NETO2: variants seen among roughly 807,000 people sequenced by gnomAD.
NETO2 encodes the protein neuropilin and tolloid like 2, also known as neuropilin and tolloid-like protein 2.
NETO2 carries 28 observed loss-of-function variants against 62.5 expected under a neutral mutation model. The observed-to-expected ratio is 0.45, with a 90% CI of 0.33 to 0.61. NETO2 has a LOEUF of 0.61. NETO2 is among the 20% of genes least tolerant of loss of function. The pLI is 0.02. For missense variants in NETO2, 548 were observed against 643.2 expected (o/e 0.85, Z 1.60); for synonymous variants, 214 against 219.1 (o/e 0.98, Z 0.21).
intron 6 of NETO2, among the ~76,000 whole-genome samples, chr16:47,113,184 T>C (rs917043464): frequency 1.1e-4 from 16 of 152,194 alleles, no homozygotes; most frequent in Admixed American, 7.2e-4. Flanking sequence ...TCCAAAGTGG[T>C]TGTACCAATT....
intron 1 of NETO2, among the ~76,000 whole-genome samples, chr16:47,137,205 G>A (rs763441577): frequency 1.3e-5 from 2 of 152,192 alleles, no homozygotes; most frequent in Non-Finnish European, 2.9e-5. Flanking sequence ...GAATCACTGT[G>A]ACCGTGGTCC....
At chr16:47,083,857 G>A in intron 8 of NETO2, 56 bp from the exon 9 acceptor site, 2 of 1,314,274 alleles carry the variant, frequency 1.5e-6, no homozygotes, top group Non-Finnish European at 1.1e-6. Context: ...TATGAATCCT[G>A]GTACAAATTA....
intron 2 of NETO2, among the ~76,000 whole-genome samples, chr16:47,130,801 G>A (rs1964250000): frequency 6.6e-6 from 1 of 152,092 alleles, no homozygotes; most frequent in African/African-American, 2.4e-5. Flanking sequence ...TTTGTTCCAG[G>A]ACAGAAGAGT....
chr16:47,089,180 G>C (rs969862659), intron 7 of NETO2, among the ~76,000 whole-genome samples: 3 of 152,142 alleles, frequency 2.0e-5, no homozygotes, highest in Non-Finnish European at 4.4e-5. Flanking sequence ...TTGTTCACCT[G>C]CGGAGTACTC....
chr16:47,143,607 G>T lies in NETO2; in HGVS notation c.6C>A (p.Ala2=), dbSNP rs1262448776. Residue 2 remains alanine, a synonymous_variant, in exon 1 of 9, where the codon GCC becomes GCA. Coordinates refer to ENST00000562435, the MANE Select transcript of NETO2 (RefSeq NM_018092.5). ...TGAGGACCGAGCAGAGCCGCTCCAG[G>T]GCCATGTTCCCGAGCTGCCCGGCGC... is the stretch of plus-strand genomic sequence containing the variant. M[A]LERLCSVLKV... 9.8e-6 allele frequency: 12 copies of T among 1,222,816 alleles called. No individual in the cohort carries two copies. The East Asian group carries it at 3.6e-4, about 37-fold the overall frequency. 75.7% of individuals were successfully genotyped at this position (1,222,816 alleles called of 1,614,324 possible). A position where few individuals can be genotyped will look rare whatever the true frequency, so the allele number is the denominator to read the frequency against.
chr16:47,099,159 C>G (rs932594887), intron 7 of NETO2, among the ~76,000 whole-genome samples: 2 of 152,068 alleles, frequency 1.3e-5, no homozygotes, highest in Non-Finnish European at 2.9e-5. Context: ...TGCGCCCAGC[C>G]TCAACATTCT....
chr16:47,138,542 C>G lies in NETO2; in HGVS notation c.34+5037G>C, dbSNP rs1964402378. Among the ~76,000 whole-genome samples the G allele has an allele frequency of 2.0e-5, 3 of 152,216 alleles. No individual in the cohort carries two copies. The South Asian group carries it at 6.2e-4, about 31-fold the overall frequency. Reference sequence around the variant, plus strand: ...CTGGCTAGACTTAGTCACATGGTCACCTAAACCAACAGGAAACTGGTAAAT... The same window carrying G: ...CTGGCTAGACTTAGTCACATGGTCAGCTAAACCAACAGGAAACTGGTAAAT... On this transcript the variant is annotated intron_variant, in intron 1 of 8. Transcript: ENST00000562435.
chr16:47,092,846 A>T (rs751694227), intron 7 of NETO2, among the ~76,000 whole-genome samples: 1 of 152,152 alleles, frequency 6.6e-6, no homozygotes, highest in Admixed American at 6.5e-5. Flanking sequence ...ACCATGTCCA[A>T]AACATGACAC....
At position 47,092,356 on chromosome 16, in the gene NETO2, G is replaced by T. The variant is rs376627890; in HGVS notation, c.884-6017C>A. 1.6e-4 allele frequency among the ~76,000 whole-genome samples: 25 copies of T among 152,296 alleles called. No individual in the cohort carries two copies. In the East Asian group the frequency reaches 3.3e-3, roughly 20 times the overall value. On this transcript the variant is annotated intron_variant, in intron 7 of 8. Coordinates refer to ENST00000562435, the MANE Select transcript of NETO2 (RefSeq NM_018092.5). ...CTTCCAGCAAGGCACCTAACATGGG[G>T]ATGCTGTTGGAAGCCCCGAAACAAT...
rs201741685 is a variant in NETO2 at position 47,128,521 on chromosome 16, T to C, written c.285A>G (p.Glu95=). The C allele has an allele frequency of 3.7e-6, 6 of 1,613,754 alleles. No homozygotes were observed. Among genetic ancestry groups the C allele is most frequent in the Non-Finnish European group, 5.1e-6 (6 of 1,179,966 alleles). ...ELTFDEHYYI[E]PSFECRFDHL... is the part of the protein sequence containing the mutation. The stretch of plus-strand genomic sequence containing the variant: ...GATCAAACCGACACTCAAATGATGG[T>C]TCTATATAATAATGTTCATCAAAGG... Residue 95 remains glutamate, a synonymous_variant, in exon 4 of 9, where the codon GAA becomes GAG. Transcript: ENST00000562435.
chr16:47,124,533 A>G (rs957334763), intron 4 of NETO2, among the ~76,000 whole-genome samples: 14 of 152,338 alleles, frequency 9.2e-5, no homozygotes, highest in Admixed American at 9.1e-4. Flanking sequence ...TTGAAATAAC[A>G]TCAGACAGAC....
chr16:47,137,678 C>A (rs921305395), intron 1 of NETO2, among the ~76,000 whole-genome samples: 1 of 152,192 alleles, frequency 6.6e-6, no homozygotes, highest in South Asian at 2.1e-4. Context: ...TCTCCAGGAA[C>A]CCTTTCCAGA....
At chr16:47,123,866 T>G (rs764901818) in intron 4 of NETO2, among the ~76,000 whole-genome samples, 1 of 152,100 alleles carries the variant, frequency 6.6e-6, no homozygotes, top group Non-Finnish European at 1.5e-5. Flanking sequence ...CTCAGCTAAT[T>G]TTTTATATTT....
chr16:47,097,246 G>A (rs1251164378), intron 7 of NETO2, among the ~76,000 whole-genome samples: 3 of 152,176 alleles, frequency 2.0e-5, no homozygotes, highest in East Asian at 1.9e-4. Flanking sequence ...CCACCCCCAC[G>A]GGGCCCTTCA....
intron 6 of NETO2, among the ~76,000 whole-genome samples, chr16:47,115,194 C>T (rs1963883830): frequency 6.6e-6 from 1 of 152,154 alleles, no homozygotes; most frequent in Non-Finnish European, 1.5e-5. Context: ...TGTTCTTTTT[C>T]AGAATAATTT....
chr16:47,083,599 C>T lies in NETO2; in HGVS notation c.1200G>A (p.Leu400=). Residue 400 remains leucine, a synonymous_variant, in exon 9 of 9, where the codon CTG becomes CTA. Transcript: ENST00000562435. ...AAATCTCTTTGTCCCTTAGTGAAAA[C>T]AGTTCATAATGAGGAGGATCAAACA... ...QEVFDPPHYE[L]FSLRDKEISA... 2 of 1,614,154 alleles carry T rather than the reference C, an allele frequency of 1.2e-6. No individual in the cohort carries two copies. Among genetic ancestry groups the T allele is most frequent in the Non-Finnish European group, 1.7e-6 (2 of 1,180,036 alleles).
chr16:47,115,495 TAC>T (rs1382330060), intron 6 of NETO2, among the ~76,000 whole-genome samples: 3 of 151,536 alleles, frequency 2.0e-5, no homozygotes, highest in Non-Finnish European at 1.5e-5. Flanking sequence ...AATTTTGAAC[TAC>T]AGTTTTCATT....
intron 7 of NETO2, among the ~76,000 whole-genome samples, chr16:47,097,180 A>G (rs1307101623): frequency 6.6e-6 from 1 of 152,150 alleles, no homozygotes; most frequent in Admixed American, 6.5e-5. Flanking sequence ...AGAACTGTTC[A>G]TTCCCCTGGA....
chr16:47,086,202 T>C (rs1462193016), intron 8 of NETO2, 24 bp downstream of exon 8: 2 of 1,318,844 alleles, frequency 1.5e-6, no homozygotes, highest in Non-Finnish European at 2.2e-6. Flanking sequence ...TTCTCAAAAA[T>C]GTTGGCCTTT....
Sources: gnomAD v4.1 joint callset for allele counts (sites outside exome capture counted in the v4.1 genomes callset) on GRCh38, gnomAD v4.1.1 for gene constraint, MANE v1.5 for transcripts, NCBI Gene and HGNC (gene_info 2026-07-23, HGNC 2026-07-21) for gene names.